The following CCDC7 variants were observed in gnomAD, a reference collection of about 807,000 sequenced individuals.
The protein encoded by CCDC7 is coiled-coil domain containing 7.
Under a neutral mutation model 196.9 loss-of-function variants are expected in CCDC7, and 183 were observed. That is an observed-to-expected ratio of 0.93 (90% CI 0.82 to 1.05). The LOEUF (loss-of-function observed/expected upper bound fraction) is 1.05, where lower values mean the gene tolerates loss of function less well. Among genes scored for constraint, CCDC7 ranks in the 50% least tolerant of loss-of-function variants. CCDC7 has a pLI of 0.00. For missense variants in CCDC7, 1,540 were observed against 1,482.2 expected (o/e 1.04, Z -0.64); for synonymous variants, 525 against 484.6 (o/e 1.08, Z -1.10).
intron 28 of CCDC7, among the ~76,000 whole-genome samples, chr10:32,731,025 A>G (rs1348860878): frequency 1.3e-5 from 2 of 152,036 alleles, no homozygotes; most frequent in African/African-American, 4.8e-5. Flanking sequence ...TGATTATTCT[A>G]TCAATTATTG....
chr10:32,622,662 T>G (rs889467342), intron 18 of CCDC7, among the ~76,000 whole-genome samples: 1 of 152,140 alleles, frequency 6.6e-6, no homozygotes, highest in Non-Finnish European at 1.5e-5. Context: ...GCAGGATGTT[T>G]AACAGCATGC....
chr10:32,731,155 T>C (rs1259811790), intron 28 of CCDC7, among the ~76,000 whole-genome samples: 3 of 152,142 alleles, frequency 2.0e-5, no homozygotes, highest in Non-Finnish European at 4.4e-5. Context: ...GATTTTCCTT[T>C]GAACTCTGCC....
At chr10:32,746,760 A>G (rs1391729319) in intron 28 of CCDC7, among the ~76,000 whole-genome samples, 1 of 152,048 alleles carries the variant, frequency 6.6e-6, no homozygotes, top group African/African-American at 2.4e-5. Context: ...ACCAATGTGC[A>G]CCCACCTGCA....
chr10:32,493,088 A>T (rs1316540455), intron 9 of CCDC7, among the ~76,000 whole-genome samples: 1 of 151,782 alleles, frequency 6.6e-6, no homozygotes, highest in Non-Finnish European at 1.5e-5. Flanking sequence ...TTCTGGTGAA[A>T]ACACTTAAAA....
intron 18 of CCDC7, among the ~76,000 whole-genome samples, chr10:32,610,346 T>C (rs980876155): frequency 1.6e-4 from 25 of 152,242 alleles, no homozygotes; most frequent in African/African-American, 6.0e-4. Context: ...CCTCATGATC[T>C]GCCTGCCTCG....
intron 11 of CCDC7, among the ~76,000 whole-genome samples, chr10:32,521,167 A>C (rs973936407): frequency 2.0e-5 from 3 of 151,798 alleles, no homozygotes; most frequent in Non-Finnish European, 4.4e-5. Flanking sequence ...CTTCAGTTTT[A>C]TTTCTTTTGC....
intron 28 of CCDC7, among the ~76,000 whole-genome samples, chr10:32,744,352 A>G (rs930608581): frequency 2.0e-5 from 3 of 151,866 alleles, no homozygotes; most frequent in African/African-American, 7.3e-5. Flanking sequence ...TAAGCAAATG[A>G]ATAAACATTT....
chr10:32,880,551 G>A (rs2094755004), downstream of CCDC7, among the ~76,000 whole-genome samples: 2 of 152,078 alleles, frequency 1.3e-5, no homozygotes, highest in African/African-American at 2.4e-5. Context: ...AGTTTAATTA[G>A]ATCCCATTTG....
At chr10:32,639,034 T>G (rs1270943771) in intron 20 of CCDC7, among the ~76,000 whole-genome samples, 1 of 152,244 alleles carries the variant, frequency 6.6e-6, no homozygotes, top group Non-Finnish European at 1.5e-5. Flanking sequence ...GTGTATAGTA[T>G]TCTCTGATGG....
chr10:32,783,753 C>A (rs1012696432), intron 29 of CCDC7, among the ~76,000 whole-genome samples: 22 of 152,154 alleles, frequency 1.4e-4, no homozygotes, highest in African/African-American at 4.3e-4. Flanking sequence ...TAATCTCCAT[C>A]AGCAAATGAA....
intron 28 of CCDC7, among the ~76,000 whole-genome samples, chr10:32,772,952 G>C (rs1341887375): frequency 6.6e-6 from 1 of 152,086 alleles, no homozygotes; most frequent in Non-Finnish European, 1.5e-5. Flanking sequence ...TTCCTGTTCA[G>C]GTTCGGCATC....
intron 32 of CCDC7, among the ~76,000 whole-genome samples, chr10:32,829,894 A>C (rs896258706): frequency 6.6e-6 from 1 of 151,608 alleles, no homozygotes; most frequent in South Asian, 2.1e-4. Flanking sequence ...TAAAGCAGGC[A>C]GAAAAACGTG....
At chr10:32,690,375 C>T (rs570467434) in intron 23 of CCDC7, among the ~76,000 whole-genome samples, 27 of 152,242 alleles carry the variant, frequency 1.8e-4, no homozygotes, top group Admixed American at 1.0e-3. Context: ...TTATGTTTTC[C>T]AACTTATTCT....
intron 24 of CCDC7, among the ~76,000 whole-genome samples, chr10:32,701,283 C>T (rs751061349): frequency 5.3e-5 from 8 of 152,136 alleles, no homozygotes; most frequent in Non-Finnish European, 8.8e-5. Context: ...TGAATTTTGT[C>T]AAAGGCCTTT....
intron 20 of CCDC7, among the ~76,000 whole-genome samples, chr10:32,659,329 T>C (rs1051830191): frequency 1.3e-5 from 2 of 152,236 alleles, no homozygotes; most frequent in African/African-American, 4.8e-5. Context: ...TTTCCCACAT[T>C]TTGAATTTTC....
chr10:32,759,898 G>GA (rs958141566), intron 28 of CCDC7, among the ~76,000 whole-genome samples: 2 of 151,754 alleles, frequency 1.3e-5, no homozygotes, highest in African/African-American at 4.8e-5. Flanking sequence ...AAATTTGCAA[G>GA]AAAAAAACAA....
chr10:32,868,528 G>A (rs545393521), intron 41 of CCDC7, among the ~76,000 whole-genome samples: 4 of 151,854 alleles, frequency 2.6e-5, no homozygotes, highest in African/African-American at 9.6e-5. Flanking sequence ...GTAGTGTAGT[G>A]TTTTCAAGAT....
At chr10:32,468,302 C>A (rs1355931699) in intron 5 of CCDC7, among the ~76,000 whole-genome samples, 1 of 151,252 alleles carries the variant, frequency 6.6e-6, no homozygotes, top group East Asian at 1.9e-4. Flanking sequence ...GATTGTTCAC[C>A]TCCCTGGTTA....
intron 9 of CCDC7, among the ~76,000 whole-genome samples, chr10:32,495,151 A>G (rs2042720397): frequency 6.6e-6 from 1 of 152,196 alleles, no homozygotes; most frequent in South Asian, 2.1e-4. Flanking sequence ...ACCAGTGATG[A>G]TGAGCATATT....
Sources: gnomAD v4.1 joint callset for allele counts (sites outside exome capture counted in the v4.1 genomes callset) on GRCh38, gnomAD v4.1.1 for gene constraint, MANE v1.5 for transcripts, NCBI Gene and HGNC (gene_info 2026-07-23, HGNC 2026-07-21) for gene names.